The following SPSB4 variants were observed in gnomAD, a reference collection of about 807,000 sequenced individuals.
SPSB4 encodes splA/ryanodine receptor domain and SOCS box containing 4.
In SPSB4, 21 loss-of-function variants were observed where a neutral mutation model predicts 20.9. The observed-to-expected ratio is 1.01, with a 90% CI of 0.71 to 1.45. The LOEUF (loss-of-function observed/expected upper bound fraction) is 1.45, where lower values mean the gene tolerates loss of function less well. SPSB4 is among the 40% of genes most tolerant of loss of function. The pLI is 0.00. For missense variants in SPSB4, 399 were observed against 399.2 expected, an observed-to-expected ratio of 1.00 and a Z score of 0.00; for synonymous variants, 207 against 183.8, an observed-to-expected ratio of 1.13 and a Z score of -1.02.
chr3:141,075,160 A>T (rs1426317739), intron 2 of SPSB4, among the ~76,000 whole-genome samples: 1 of 116,712 alleles, frequency 8.6e-6, no homozygotes, highest in African/African-American at 4.9e-5. Context: ...CAGCTGTGGG[A>T]GGATGTAGGA....
intron 2 of SPSB4, among the ~76,000 whole-genome samples, chr3:141,117,575 T>C (rs1333797060): frequency 1.3e-5 from 2 of 152,232 alleles, no homozygotes; most frequent in Non-Finnish European, 2.9e-5. Context: ...TAGGTATATA[T>C]GTGCCATGTT....
chr3:141,112,644 C>CAAAAAAA lies in SPSB4; in HGVS notation c.695-34479_695-34473dup, dbSNP rs60396514. 7.2e-3 allele frequency among the ~76,000 whole-genome samples: 235 copies of CAAAAAAA among 32,844 alleles called. 12 individuals carry two copies. Among genetic ancestry groups the CAAAAAAA allele is most frequent in the African/African-American group, 0.024 (210 of 8,666 alleles). The allele number at this position is 32,844 out of a possible 152,430, so 21.5% of individuals were successfully genotyped here. A position where few individuals can be genotyped will look rare whatever the true frequency, so the allele number is the denominator to read the frequency against. On this transcript the variant is annotated intron_variant, in intron 2 of 2. Transcript: ENST00000310546. ...TGGGCGACAGAGCGAGACTCCGTCT[C>CAAAAAAA]AAAAAAAAAAAAAAAAAAAAAAAAA...
intron 2 of SPSB4, among the ~76,000 whole-genome samples, chr3:141,074,162 T>C (rs1435180557): frequency 6.6e-6 from 1 of 152,198 alleles, no homozygotes; most frequent in Admixed American, 6.5e-5. Context: ...CTTCCAGCAC[T>C]GGCTTGGCTT....
chr3:141,137,634 T>C (rs964394960), intron 2 of SPSB4, among the ~76,000 whole-genome samples: 19 of 152,196 alleles, frequency 1.2e-4, no homozygotes, highest in Non-Finnish European at 2.5e-4. Flanking sequence ...TGCTGGATTA[T>C]GTTTATTGAT....
At chr3:141,101,735 T>A (rs1216783475) in intron 2 of SPSB4, among the ~76,000 whole-genome samples, 1 of 152,224 alleles carries the variant, frequency 6.6e-6, no homozygotes, top group African/African-American at 2.4e-5. Flanking sequence ...CACGTATTAA[T>A]GTTTTTACCT....
intron 2 of SPSB4, among the ~76,000 whole-genome samples, chr3:141,130,788 T>G (rs1355157444): frequency 6.6e-6 from 1 of 152,204 alleles, no homozygotes; most frequent in African/African-American, 2.4e-5. Context: ...TTCCCCATTT[T>G]ATTGATAGCT....
intron 2 of SPSB4, chr3:141,132,249 C>T (rs748229603): frequency 4.8e-6 from 2 of 417,548 alleles, no homozygotes; most frequent in South Asian, 3.3e-5. Context: ...CTCACTGCAA[C>T]CTCCGCCTCC....
intron 2 of SPSB4, among the ~76,000 whole-genome samples, chr3:141,078,577 G>A (rs569036175): frequency 9.8e-5 from 15 of 152,346 alleles, no homozygotes; most frequent in African/African-American, 3.6e-4. Flanking sequence ...TGCCACAAAG[G>A]AAAGGTGTGT....
chr3:141,135,265 T>A (rs1939206879), intron 2 of SPSB4, among the ~76,000 whole-genome samples: 1 of 151,902 alleles, frequency 6.6e-6, no homozygotes, highest in African/African-American at 2.4e-5. Flanking sequence ...TTGTGTGGCA[T>A]TGCATTGTAT....
rs1358790406 is a variant in SPSB4, at chr3:141,148,537, A to G, written c.*1268A>G. The G allele has an allele frequency of 6.6e-6, 1 of 152,622 alleles. No homozygotes were observed. The highest frequency in any genetic ancestry group is 1.5e-5 in the Non-Finnish European group (1 of 68,062). The allele number at this position is 152,622 out of a possible 1,614,324, so 9.5% of individuals were successfully genotyped here. The stretch of plus-strand genomic sequence containing the variant: ...AGCACTGCCTCTTCCTCCCCACCCC[A>G]CTGCCCCCACCTTAATGTGAATTTG... On this transcript the variant is annotated 3_prime_UTR_variant, in exon 3 of 3. Transcript: ENST00000310546. The surrounding 1 kb of genome is among the most constrained non-coding windows in gnomAD (Gnocchi z 4.5).
At chr3:141,059,496 G>A (rs1393200344) in intron 1 of SPSB4, among the ~76,000 whole-genome samples, 1 of 151,364 alleles carries the variant, frequency 6.6e-6, no homozygotes, top group Non-Finnish European at 1.5e-5. Flanking sequence ...AGAGCAAGAG[G>A]CGGGGGTGGG....
chr3:141,111,639 TCA>T (rs1938799882), intron 2 of SPSB4, among the ~76,000 whole-genome samples: 2 of 152,166 alleles, frequency 1.3e-5, no homozygotes, highest in Admixed American at 1.3e-4. Context: ...AGCGGGTCTC[TCA>T]GTTTCCTGAG....
At chr3:141,077,985 C>G (rs1938151822) in intron 2 of SPSB4, among the ~76,000 whole-genome samples, 1 of 152,224 alleles carries the variant, frequency 6.6e-6, no homozygotes, top group Non-Finnish European at 1.5e-5. Flanking sequence ...TTTCTGTTCC[C>G]TCATAATTTG....
In SPSB4 at chr3:141,066,054, G is replaced by T; in HGVS notation, c.-51G>T. 1 of 1,424,706 alleles carries T rather than the reference G, an allele frequency of 7.0e-7. No individual in the cohort carries two copies. The allele number at this position is 1,424,706 out of a possible 1,614,324, so 88.3% of individuals were successfully genotyped here. ...CCATTCCTGGCTACGGGGAGTGGAG[G>T]CTCCCACGAGGTAGCGGTGGCCTGC... On this transcript the variant is annotated 5_prime_UTR_variant, in exon 2 of 3. Transcript: ENST00000310546.
intron 2 of SPSB4, among the ~76,000 whole-genome samples, chr3:141,093,036 G>T (rs574641002): frequency 5.3e-5 from 8 of 152,246 alleles, no homozygotes; most frequent in East Asian, 3.9e-4. Flanking sequence ...CTTCAGGGTG[G>T]CTCTGGGAAG....
intron 2 of SPSB4, among the ~76,000 whole-genome samples, chr3:141,143,030 A>C (rs982381002): frequency 2.6e-5 from 4 of 151,734 alleles, no homozygotes; most frequent in Non-Finnish European, 5.9e-5. Context: ...GTTAGCCAGG[A>C]TGGTCTCCAT....
chr3:141,059,232 C>T (rs1937717032), intron 1 of SPSB4, among the ~76,000 whole-genome samples: 1 of 152,166 alleles, frequency 6.6e-6, no homozygotes, highest in Admixed American at 6.5e-5. Context: ...CCCTCATGGA[C>T]TAATTATCTC....
At chr3:141,088,974 A>G (rs1281932875) in intron 2 of SPSB4, among the ~76,000 whole-genome samples, 1 of 152,228 alleles carries the variant, frequency 6.6e-6, no homozygotes, top group Non-Finnish European at 1.5e-5. Context: ...AAACACTGAT[A>G]TATACACTTT....
chr3:141,147,280 A>T lies in SPSB4; in HGVS notation c.*11A>T. 6.2e-7 allele frequency: 1 copy of T among 1,614,146 alleles called. No homozygotes were observed. The highest frequency in any genetic ancestry group is 1.1e-5 in the South Asian group (1 of 91,080). On this transcript the variant is annotated 3_prime_UTR_variant, in exon 3 of 3. Transcript: ENST00000310546. ...CTGCAGTACCAGTGAGCCAAGCCTG[A>T]TGGGCAGCACAGACACAGACACACA...
Sources: gnomAD v4.1 joint callset for allele counts (sites outside exome capture counted in the v4.1 genomes callset) on GRCh38, gnomAD v4.1.1 for gene constraint, Gnocchi (gnomAD v3.1) non-coding constraint, MANE v1.5 for transcripts, NCBI Gene and HGNC (gene_info 2026-07-23, HGNC 2026-07-21) for gene names.